The following LMAN2 variants were observed in gnomAD, a reference collection of about 807,000 sequenced individuals.
The protein encoded by LMAN2 is vesicular integral-membrane protein VIP36.
LMAN2 carries 22 observed loss-of-function variants against 39.3 expected under a neutral mutation model. That is an observed-to-expected ratio of 0.56 (90% CI 0.40 to 0.80). LMAN2 has a LOEUF of 0.80. Ranked by LOEUF, LMAN2 falls within the 30% of genes least tolerant of loss-of-function variation. The pLI, the probability that LMAN2 is intolerant of heterozygous loss-of-function variation, is 0.00. For missense variants in LMAN2, 494 were observed against 505.4 expected (o/e 0.98, Z 0.22); for synonymous variants, 207 against 207.8 (o/e 1.00, Z 0.03).
intron 2 of LMAN2, among the ~76,000 whole-genome samples, chr5:177,339,185 C>A (rs959841655): frequency 6.6e-6 from 1 of 152,212 alleles, no homozygotes; most frequent in East Asian, 1.9e-4. Context: ...CAGTACTTCC[C>A]GCGGCCTGCA....
intron 3 of LMAN2, among the ~76,000 whole-genome samples, 184 bp downstream of exon 3, chr5:177,338,304 C>A (rs182734456): frequency 1.2e-3 from 176 of 152,334 alleles, no homozygotes; most frequent in Non-Finnish European, 1.2e-3. Flanking sequence ...CAGTGACCTT[C>A]CTTCCAGAGC....
In LMAN2 at chr5:177,338,611, G is replaced by A. The variant is rs1180041146; in HGVS notation, c.316-6C>T. ...CAGTCTTTGAGGAAGCACGGCTGGA[G>A]GGAGAGCAGAATGGGCTGCTCAGAG... On this transcript the variant is annotated splice_polypyrimidine_tract_variant and splice_region_variant and intron_variant, in intron 2 of 7. Transcript: ENST00000303127. The A allele has an allele frequency of 1.2e-6, 2 of 1,613,520 alleles. No individual in the cohort carries two copies. Among genetic ancestry groups the A allele is most frequent in the East Asian group, 2.2e-5 (1 of 44,888 alleles).
chr5:177,332,376 C>T lies in LMAN2; in HGVS notation c.911-130G>A. ...AGGCCGGTCGTACTCACCCCCCTCA[C>T]CGGGGAGGGGCAGAGGTCAGGTGAA... On this transcript the variant is annotated intron_variant, in intron 7 of 7. Coordinates refer to ENST00000303127, the MANE Select transcript of LMAN2 (RefSeq NM_006816.3). This position sits in a 1 kb window ranked among gnomAD's most constrained non-coding sequence, Gnocchi z 6.3. 2.5e-6 allele frequency: 2 copies of T among 811,478 alleles called. No homozygotes were observed. Among genetic ancestry groups the T allele is most frequent in the South Asian group, 1.7e-5 (1 of 59,680 alleles). The allele number at this position is 811,478 out of a possible 1,614,324, so 50.3% of individuals were successfully genotyped here. A position where few individuals can be genotyped will look rare whatever the true frequency, so the allele number is the denominator to read the frequency against.
intron 7 of LMAN2, among the ~76,000 whole-genome samples, chr5:177,333,580 G>A (rs966870255): frequency 7.2e-5 from 11 of 152,302 alleles, no homozygotes; most frequent in Non-Finnish European, 1.5e-4. Context: ...TGGCCCACAC[G>A]GCATGGGGAC....
intron 2 of LMAN2, among the ~76,000 whole-genome samples, chr5:177,340,071 G>A (rs1046482249): frequency 2.0e-5 from 3 of 152,108 alleles, no homozygotes; most frequent in Middle Eastern, 3.4e-3. Flanking sequence ...TGAAGGCAAA[G>A]GAATATTTAA....
chr5:177,346,886 G>A (rs975800450), intron 2 of LMAN2, among the ~76,000 whole-genome samples: 8 of 152,024 alleles, frequency 5.3e-5, no homozygotes, highest in Admixed American at 1.3e-4. Context: ...GAGAAGATCC[G>A]AACTCAATCT....
intron 2 of LMAN2, among the ~76,000 whole-genome samples, chr5:177,344,032 G>A (rs896389905): frequency 1.2e-4 from 18 of 151,482 alleles, no homozygotes; most frequent in African/African-American, 4.1e-4. Context: ...GCAGCATAGT[G>A]AGACCCCAGC....
At chr5:177,344,047 C>CA in intron 2 of LMAN2, among the ~76,000 whole-genome samples, 1 of 149,744 alleles carries the variant, frequency 6.7e-6, no homozygotes, top group South Asian at 2.1e-4. Flanking sequence ...CCCAGCTCTA[C>CA]AAAAAATTAA....
chr5:177,335,829 G>C (rs971183229), intron 6 of LMAN2, among the ~76,000 whole-genome samples: 1 of 152,164 alleles, frequency 6.6e-6, no homozygotes, highest in East Asian at 1.9e-4. Context: ...AGGATAAACC[G>C]CCCATGTCAG....
At chr5:177,346,372 TC>T in intron 2 of LMAN2, 1 of 734,374 alleles carries the variant, frequency 1.4e-6, no homozygotes, top group Non-Finnish European at 1.9e-6. Flanking sequence ...GCAGATTACT[TC>T]CATCAGTATT....
chr5:177,340,903 C>T lies in LMAN2; in HGVS notation c.316-2298G>A, dbSNP rs189011582. 2.9e-3 allele frequency among the ~76,000 whole-genome samples: 436 copies of T among 151,568 alleles called. 3 individuals carry two copies. In the Middle Eastern group the frequency reaches 0.052, roughly 18 times the overall value. ...CCCAGTAGTTGGGACTACAGGCGCC[C>T]GCCACCACACCCGGCTAATTTTTTT... is the stretch of plus-strand genomic sequence containing the variant. On this transcript the variant is annotated intron_variant, in intron 2 of 7. Transcript: ENST00000303127.
At chr5:177,344,470 C>T (rs193211483) in intron 2 of LMAN2, among the ~76,000 whole-genome samples, 4,116 of 150,690 alleles carry the variant, frequency 0.027, 113 homozygotes, top group Non-Finnish European at 0.035. Flanking sequence ...TTAGTAGAGA[C>T]GGGGTTTCAC....
At position 177,334,453 on chromosome 5, in the gene LMAN2, C is replaced by T. The variant is rs374679511; in HGVS notation, c.791-50G>A. 7.6e-6 allele frequency: 12 copies of T among 1,579,144 alleles called. No homozygotes were observed. The East Asian group carries it at 9.0e-5, about 12-fold the overall frequency. On this transcript the variant is annotated intron_variant, in intron 6 of 7. Coordinates refer to ENST00000303127, the MANE Select transcript of LMAN2 (RefSeq NM_006816.3). ...GACAGCCTACAGGCCAGCCGCAGGG[C>T]ACGTGGCCCAAGACCCTCCCACAAG...
Position 177,333,068 on chromosome 5 carries a change from C to T in LMAN2, c.911-822G>A, listed in dbSNP as rs59619506. Among the ~76,000 whole-genome samples, 429 of 152,362 alleles carry T rather than the reference C, an allele frequency of 2.8e-3. 3 individuals carry two copies. Among genetic ancestry groups the T allele is most frequent in the African/African-American group, 9.5e-3 (394 of 41,578 alleles). On this transcript the variant is annotated intron_variant, in intron 7 of 7. Transcript: ENST00000303127. Reference sequence around the variant, plus strand: ...CCTCCCTTCCTGCACAAGCTGCCACCAGCAGGCCTGCTGACCACTCTCGCC... The same window carrying T: ...CCTCCCTTCCTGCACAAGCTGCCACTAGCAGGCCTGCTGACCACTCTCGCC...
intron 2 of LMAN2, among the ~76,000 whole-genome samples, chr5:177,340,251 AT>A (rs1321756495): frequency 6.6e-6 from 1 of 152,124 alleles, no homozygotes; most frequent in Non-Finnish European, 1.5e-5. Flanking sequence ...ACATGAAACT[AT>A]TTTTTTCTAA....
chr5:177,348,000 T>C (rs892044913), intron 2 of LMAN2, among the ~76,000 whole-genome samples: 1 of 152,044 alleles, frequency 6.6e-6, no homozygotes, highest in Non-Finnish European at 1.5e-5. Flanking sequence ...CAACTACTAT[T>C]TAAGAGAACA....
Position 177,331,766 on chromosome 5 carries a change from C to A in LMAN2, c.*320G>T. ...CTTCCCCACGTCCTCAGGAGCCCAC[C>A]CCAGTGTGGTCCGGGGGACCCTCCA... is the stretch of plus-strand genomic sequence containing the variant. On this transcript the variant is annotated 3_prime_UTR_variant, in exon 8 of 8. Transcript: ENST00000303127. 4.2e-6 allele frequency: 1 copy of A among 239,834 alleles called. No individual in the cohort carries two copies. Among genetic ancestry groups the A allele is most frequent in the East Asian group, 8.1e-5 (1 of 12,374 alleles). 14.9% of individuals were successfully genotyped at this position (239,834 alleles called of 1,614,324 possible).
At chr5:177,341,539 T>C (rs1002681729) in intron 2 of LMAN2, among the ~76,000 whole-genome samples, 1 of 152,318 alleles carries the variant, frequency 6.6e-6, no homozygotes, top group South Asian at 2.1e-4. Flanking sequence ...CATGGGATTC[T>C]ATACTCAGCA....
chr5:177,342,078 TATC>T (rs1430548926), intron 2 of LMAN2, among the ~76,000 whole-genome samples: 1 of 152,180 alleles, frequency 6.6e-6, no homozygotes, highest in African/African-American at 2.4e-5. Context: ...AACCCAAATG[TATC>T]ATATTTCATT....
Sources: gnomAD v4.1 joint callset for allele counts (sites outside exome capture counted in the v4.1 genomes callset) on GRCh38, gnomAD v4.1.1 for gene constraint, Gnocchi (gnomAD v3.1) non-coding constraint, MANE v1.5 for transcripts, NCBI Gene and HGNC (gene_info 2026-07-23, HGNC 2026-07-21) for gene names.